MUC4: variants seen among roughly 807,000 people sequenced by gnomAD.
MUC4 encodes mucin-4.
A neutral mutation model predicts 257.9 loss-of-function variants in MUC4; 202 were observed. The observed-to-expected ratio is 0.78, with a 90% CI of 0.70 to 0.88. MUC4 has a LOEUF of 0.88. MUC4 is among the 40% of genes least tolerant of loss of function. The pLI is 0.00. For missense variants in MUC4, 5,976 were observed against 6,513.7 expected (o/e 0.92, Z 2.84); for synonymous variants, 2,351 against 2,757.1 (o/e 0.85, Z 4.62).
chr3:195,789,852 C>G lies in MUC4; in HGVS notation c.1728G>C (p.Glu576Asp), dbSNP rs372092257. The G allele has an allele frequency of 1.1e-4, 176 of 1,614,004 alleles. No homozygotes were observed. Among genetic ancestry groups the G allele is most frequent in the Non-Finnish European group, 1.6e-5 (19 of 1,179,874 alleles). ...QWTQETGTTG[E>D]ALLSSPSYSV... ...TGTAGCTTGGGCTGCTGAGAAGAGC[C>G]TCTCCAGTGGTCCCCGTTTCTTGTG... Residue 576 changes from glutamate to aspartate, a missense_variant, in exon 2 of 25, where the codon GAG becomes GAC. Physicochemically the swap from Glu to Asp is conservative, Grantham distance 45. Transcript: ENST00000463781.
At position 195,746,915 on chromosome 3, in the gene MUC4, C is replaced by T. The variant is rs55923552; in HGVS notation, c.*261G>A. The T allele has an allele frequency of 4.6e-3, 2,717 of 587,146 alleles. No homozygotes were observed. The highest frequency in any genetic ancestry group is 0.046 in the African/African-American group (2,461 of 53,324). 36.4% of individuals were successfully genotyped at this position (587,146 alleles called of 1,614,324 possible). Reference sequence around the variant, plus strand: ...GTGTGTGTGTGTGTGTGCACGCGCGCGTGCACAGGCTAGTGTCCTTCTGTG... The same window carrying T: ...GTGTGTGTGTGTGTGTGCACGCGCGTGTGCACAGGCTAGTGTCCTTCTGTG... On this transcript the variant is annotated 3_prime_UTR_variant, in exon 25 of 25. Transcript: ENST00000463781.
chr3:195,754,905 G>A (rs1560227279), intron 18 of MUC4, among the ~76,000 whole-genome samples: 3 of 30,206 alleles, frequency 9.9e-5, no homozygotes, highest in South Asian at 1.4e-3. Flanking sequence ...ATGTATGTAT[G>A]TGTGTGTCAT....
intron 17 of MUC4, among the ~76,000 whole-genome samples, 193 bp downstream of exon 17, chr3:195,758,931 G>C (rs995466361): frequency 8.5e-5 from 13 of 152,126 alleles, no homozygotes; most frequent in Non-Finnish European, 1.8e-4. Context: ...CCGTAAGCCC[G>C]TCACTACTAC....
At chr3:195,774,121 G>C (rs958472044) in intron 4 of MUC4, 51 bp downstream of exon 4, 1 of 1,544,848 alleles carries the variant, frequency 6.5e-7, no homozygotes, top group African/African-American at 1.4e-5. Flanking sequence ...AAGCAGGAGA[G>C]AGAAGTGGGC....
intron 10 of MUC4, among the ~76,000 whole-genome samples, chr3:195,764,688 C>G (rs1224735244): frequency 6.6e-6 from 1 of 152,116 alleles, no homozygotes; most frequent in Non-Finnish European, 1.5e-5. Context: ...TCAGTCTTCC[C>G]CCAAACATCC....
rs550267301 is a variant in MUC4 at position 195,781,425 on chromosome 3, T to G, written c.10155A>C (p.Ala3385=). 1 of 1,530,968 alleles carries G rather than the reference T, an allele frequency of 6.5e-7. No individual in the cohort carries two copies. Among genetic ancestry groups the G allele is most frequent in the Non-Finnish European group, 8.8e-7 (1 of 1,134,584 alleles). The allele number at this position is 1,530,968 out of a possible 1,614,324, so 94.8% of individuals were successfully genotyped here. ...GAAGAGGGGTGGCCTGACCTGTGGA[T>G]GCCGAGGAAATGTCGGTGACAGGAA... ...TRLPVTDISS[A]STGQATPLPV... The change falls in exon 2 of 25, where the codon GCA becomes GCC. Residue 3385 remains alanine (A), a synonymous_variant. Coordinates refer to ENST00000463781, the MANE Select transcript of MUC4 (RefSeq NM_018406.7).
chr3:195,759,302 G>A (rs778609065), intron 16 of MUC4, 41 bp from the exon 17 acceptor site: 1 of 1,604,698 alleles, frequency 6.2e-7, no homozygotes, highest in Non-Finnish European at 8.5e-7. Context: ...AGGCAGGACA[G>A]TCTCCTGCTT....
At chr3:195,803,640 C>T (rs1273229176) in intron 1 of MUC4, among the ~76,000 whole-genome samples, 1 of 152,150 alleles carries the variant, frequency 6.6e-6, no homozygotes, top group Admixed American at 6.5e-5. Flanking sequence ...AATAGCGGCC[C>T]CATTTCACAG....
In MUC4 at chr3:195,790,877, C is replaced by G. The variant is rs200940013; in HGVS notation, c.703G>C (p.Val235Leu). 1.9e-5 allele frequency: 31 copies of G among 1,613,840 alleles called. No homozygotes were observed. Among genetic ancestry groups the G allele is most frequent in the Admixed American group, 3.3e-5 (2 of 60,004 alleles). ...SPSVHNVTGT[V>L]SQKTSPSGET... is the part of the protein sequence containing the mutation. ...CCTGAAGGAGATGTCTTCTGAGAAACAGTCCCTGTCACATTGTGTACACTT... is the reference window on the plus strand; with the variant it reads ...CCTGAAGGAGATGTCTTCTGAGAAAGAGTCCCTGTCACATTGTGTACACTT... Residue 235 changes from valine (V) to leucine (L), a missense_variant, in exon 2 of 25, where the codon GTT becomes CTT. Around this residue, in one of 44 missense-constraint regions of MUC4, gnomAD observed 1,583 missense variants for 1,257.4 expected, o/e 1.26. Transcript: ENST00000463781.
chr3:195,766,252 C>T (rs1471583541), intron 8 of MUC4, among the ~76,000 whole-genome samples: 2 of 152,112 alleles, frequency 1.3e-5, no homozygotes, highest in Non-Finnish European at 2.9e-5. Context: ...TGAGCCATGG[C>T]GCCCAGCCGG....
chr3:195,803,937 T>G (rs1245846428), intron 1 of MUC4, among the ~76,000 whole-genome samples: 1 of 152,152 alleles, frequency 6.6e-6, no homozygotes, highest in Admixed American at 6.5e-5. Flanking sequence ...GTGGACGCTG[T>G]GACACTGGGG....
In MUC4 at chr3:195,784,334, G is replaced by T. The variant is rs764737263; in HGVS notation, c.7246C>A (p.His2416Asn). ...TSSASTGHATHLPVTGLSSAS... is the reference protein window; with the variant it reads ...TSSASTGHATNLPVTGLSSAS... Reference sequence around the variant, plus strand: ...GAGGAAAGGCCGGTGACAGGAAGATGGGTGGCGTGACCTGTGGATGCTGAG... The same window carrying T: ...GAGGAAAGGCCGGTGACAGGAAGATTGGTGGCGTGACCTGTGGATGCTGAG... Residue 2416 changes from histidine (H) to asparagine (N), a missense_variant, in exon 2 of 25, where the codon CAT (histidine) becomes AAT (asparagine). This residue lies in a region of MUC4 where 57 missense variants were observed against 116.5 expected (regional missense o/e 0.49). Coordinates refer to ENST00000463781, the MANE Select transcript of MUC4 (RefSeq NM_018406.7). 6.2e-5 allele frequency: 94 copies of T among 1,517,994 alleles called. 14 individuals are homozygous for T. In the African/African-American group the frequency reaches 1.3e-3, roughly 22 times the overall value. 94.0% of individuals were successfully genotyped at this position (1,517,994 alleles called of 1,614,324 possible).
At chr3:195,807,840 C>T (rs1306320155) in intron 1 of MUC4, among the ~76,000 whole-genome samples, 1 of 152,232 alleles carries the variant, frequency 6.6e-6, no homozygotes, top group Non-Finnish European at 1.5e-5. Flanking sequence ...GCCTCTTGTC[C>T]TTAGCAATGA....
At chr3:195,762,400 G>C (rs1002295860) in intron 13 of MUC4, 146 bp from the exon 14 acceptor site, 1 of 911,970 alleles carries the variant, frequency 1.1e-6, no homozygotes, top group Non-Finnish European at 1.6e-6. Flanking sequence ...AGAAGAGGCC[G>C]GCGAGCTGCA....
At chr3:195,756,563 GTTTC>G (rs923652953) in intron 18 of MUC4, among the ~76,000 whole-genome samples, 78 of 150,758 alleles carry the variant, frequency 5.2e-4, no homozygotes, top group Middle Eastern at 3.4e-3. Context: ...CTCCAATATA[GTTTC>G]TTTCTTTCTT....
At chr3:195,754,924 G>A (rs72499645) in intron 18 of MUC4, among the ~76,000 whole-genome samples, 22,593 of 147,740 alleles carry the variant, frequency 0.15, 1,876 homozygotes, top group Non-Finnish European at 0.2. Flanking sequence ...ATGCATGTAT[G>A]CATGTATCCA....
chr3:195,761,685 G>C, intron 14 of MUC4, 100 bp from the exon 15 acceptor site: 1 of 915,592 alleles, frequency 1.1e-6, no homozygotes, highest in Non-Finnish European at 1.7e-6. Context: ...GGGCCTGGCA[G>C]CCTCTGCTCT....
Position 195,789,750 on chromosome 3 carries a change from A to C in MUC4, c.1830T>G (p.Ile610Met). 6.2e-7 allele frequency: 1 copy of C among 1,613,798 alleles called. No individual in the cohort carries two copies. Among genetic ancestry groups the C allele is most frequent in the East Asian group, 2.2e-5 (1 of 44,872 alleles). Residue 610 changes from isoleucine (I) to methionine (M), a missense_variant, in exon 2 of 25, where the codon ATT becomes ATG. Coordinates refer to ENST00000463781, the MANE Select transcript of MUC4 (RefSeq NM_018406.7). ...PMLDRHTSQQ[I>M]TTAPSTNHST... ...AATGATTTGTTGATGGTGCCGTTGT[A>C]ATTTGTTGGGATGTGTGTCTATCCA...
Position 195,757,907 on chromosome 3 carries a change from C to T in MUC4, c.14987-579G>A, listed in dbSNP as rs60327408. Reference sequence around the variant, plus strand: ...AAGGAAGTGACAGAGAATAGACGAACGTAATTTCCAGACCATCGTCCTTCA... The same window carrying T: ...AAGGAAGTGACAGAGAATAGACGAATGTAATTTCCAGACCATCGTCCTTCA... On this transcript the variant is annotated intron_variant, in intron 17 of 24. Coordinates refer to ENST00000463781, the MANE Select transcript of MUC4 (RefSeq NM_018406.7). The surrounding 1 kb of genome is among the most constrained non-coding windows in gnomAD (Gnocchi z 4.8). Among the ~76,000 whole-genome samples, 652 of 152,308 alleles carry T rather than the reference C, an allele frequency of 4.3e-3. 4 individuals carry two copies. Among genetic ancestry groups the T allele is most frequent in the African/African-American group, 0.015 (620 of 41,552 alleles).
Sources: allele counts gnomAD v4.1 joint callset (sites outside exome capture counted in the v4.1 genomes callset), GRCh38; gene constraint gnomAD v4.1.1; regional missense constraint gnomAD v4.1.1; non-coding constraint Gnocchi (gnomAD v3.1); transcripts MANE v1.5; gene names NCBI Gene and HGNC (gene_info 2026-07-23, HGNC 2026-07-21).